CFAP47: variants seen among roughly 807,000 people sequenced by gnomAD.
CFAP47 encodes cilia and flagella associated protein 47.
CFAP47 carries 29 observed loss-of-function variants against 148.1 expected under a neutral mutation model. The ratio of observed to expected loss-of-function variants is 0.20; its 90% confidence interval spans 0.15 to 0.27. The LOEUF is 0.27. CFAP47 is among the 10% of genes least tolerant of loss of function. CFAP47 has a pLI of 1.00. For synonymous variants in CFAP47, 664 were observed against 577.3 expected (o/e 1.15, Z -2.15); for missense variants, 1,872 against 1,697.5 (o/e 1.10, Z -1.81).
At chrX:36,103,151 C>T (rs1208915459) in intron 32 of CFAP47, among the ~76,000 whole-genome samples, 1 of 110,601 alleles carries the variant, frequency 9.0e-6, no homozygotes, top group Admixed American at 9.7e-5. Flanking sequence ...TTTGATTCCC[C>T]TAAAAGCAGA....
chrX:36,025,654 C>A (rs1937208226), intron 22 of CFAP47, among the ~76,000 whole-genome samples: 1 of 111,472 alleles, frequency 9.0e-6, no homozygotes, highest in South Asian at 3.8e-4. Flanking sequence ...GTATATCTTT[C>A]TCTGTGATTA....
At chrX:36,029,963 A>G (rs1166759343) in intron 22 of CFAP47, among the ~76,000 whole-genome samples, 1 of 110,568 alleles carries the variant, frequency 9.0e-6, no homozygotes, top group East Asian at 2.8e-4. Context: ...TAATTATAAT[A>G]TGATTTCATT....
chrX:36,294,008 G>A (rs1300290020), intron 51 of CFAP47, among the ~76,000 whole-genome samples: 1 of 111,298 alleles, frequency 9.0e-6, no homozygotes, highest in African/African-American at 3.3e-5. Flanking sequence ...AATGAAATAA[G>A]GCTAAGCTTG....
intron 40 of CFAP47, 114 bp from the exon 41 acceptor site, chrX:36,188,506 A>G: frequency 3.4e-6 from 1 of 290,493 alleles, no homozygotes; most frequent in Non-Finnish European, 6.0e-6. Context: ...GTCTTTTCAT[A>G]TCATTTGTAC....
chrX:35,978,958 A>G (rs995620585), intron 15 of CFAP47, among the ~76,000 whole-genome samples: 8 of 111,382 alleles, frequency 7.2e-5, no homozygotes, highest in African/African-American at 2.6e-4. Context: ...AGGGGAGAAT[A>G]TAAGAGTGGA....
intron 57 of CFAP47, among the ~76,000 whole-genome samples, chrX:36,325,302 T>C (rs1178963829): frequency 9.0e-6 from 1 of 111,525 alleles, no homozygotes; most frequent in Admixed American, 9.6e-5. Flanking sequence ...AATATTCCTA[T>C]GTTAGAGATG....
At chrX:35,962,829 T>C (rs1422264078) in intron 8 of CFAP47, among the ~76,000 whole-genome samples, 1 of 110,333 alleles carries the variant, frequency 9.1e-6, no homozygotes, top group Non-Finnish European at 1.9e-5. Context: ...CTTAGGTTGA[T>C]TGCATATTTT....
intron 33 of CFAP47, among the ~76,000 whole-genome samples, chrX:36,119,376 A>G (rs139586493): frequency 1.9e-4 from 21 of 111,906 alleles, no homozygotes; most frequent in Non-Finnish European, 3.6e-4. Context: ...TGATTTGCAT[A>G]TGTTGAACCA....
intron 40 of CFAP47, among the ~76,000 whole-genome samples, chrX:36,186,690 C>T (rs782751958): frequency 3.6e-5 from 4 of 111,234 alleles, no homozygotes; most frequent in Non-Finnish European, 3.8e-5. Context: ...TACCCTTAAG[C>T]GAATCAATCC....
intron 32 of CFAP47, among the ~76,000 whole-genome samples, chrX:36,100,822 T>A (rs1341380153): frequency 8.9e-6 from 1 of 111,949 alleles, no homozygotes; most frequent in East Asian, 2.8e-4. Context: ...AAACTGAGTG[T>A]CACAGGCGCA....
At chrX:36,098,545 C>G (rs1451788085) in intron 30 of CFAP47, among the ~76,000 whole-genome samples, 1 of 111,525 alleles carries the variant, frequency 9.0e-6, no homozygotes, top group East Asian at 2.8e-4. Flanking sequence ...TTATATTGTA[C>G]TGTGGCTGAG....
At chrX:36,381,339 A>G (rs1942076202) in intron 63 of CFAP47, among the ~76,000 whole-genome samples, 1 of 112,174 alleles carries the variant, frequency 8.9e-6, no homozygotes. Flanking sequence ...TATAAATGGA[A>G]CCATTAAATC....
At chrX:36,228,077 C>A (rs1224634030) in intron 45 of CFAP47, among the ~76,000 whole-genome samples, 1 of 111,508 alleles carries the variant, frequency 9.0e-6, no homozygotes, top group Non-Finnish European at 1.9e-5. Flanking sequence ...AAAATTATTT[C>A]TATCTGCTGG....
At chrX:36,367,219 T>C in intron 62 of CFAP47, 92 bp downstream of exon 62, 1 of 656,872 alleles carries the variant, frequency 1.5e-6, no homozygotes, top group Non-Finnish European at 2.2e-6. Flanking sequence ...AGTTCATCTT[T>C]TGCTGGTTAA....
chrX:36,233,312 A>G (rs1366539899), intron 46 of CFAP47, among the ~76,000 whole-genome samples: 4 of 111,775 alleles, frequency 3.6e-5, no homozygotes, highest in African/African-American at 6.5e-5. Context: ...TATTGGGTGC[A>G]TATATATTTA....
intron 52 of CFAP47, among the ~76,000 whole-genome samples, chrX:36,299,679 C>A (rs1343077092): frequency 9.0e-6 from 1 of 111,394 alleles, no homozygotes; most frequent in Non-Finnish European, 1.9e-5. Flanking sequence ...CACCTCCCAG[C>A]GCCTGGTAAC....
chrX:36,322,235 G>A (rs1286174154), intron 57 of CFAP47, among the ~76,000 whole-genome samples: 1 of 110,721 alleles, frequency 9.0e-6, no homozygotes, highest in African/African-American at 3.3e-5. Flanking sequence ...AAACCCCATG[G>A]TTTTGTTTTC....
intron 44 of CFAP47, among the ~76,000 whole-genome samples, chrX:36,204,227 T>G (rs964931691): frequency 1.8e-5 from 2 of 111,853 alleles, no homozygotes; most frequent in Admixed American, 9.5e-5. Context: ...GGTGGTTTCT[T>G]TTGCTGTGCA....
In CFAP47 at chrX:36,317,603, A is replaced by G. The variant is rs1941446199; in HGVS notation, c.8345-1606A>G. Among the ~76,000 whole-genome samples the G allele has an allele frequency of 4.9e-5, 5 of 101,027 alleles. No individual in the cohort carries two copies. The South Asian group carries it at 2.3e-3, about 47-fold the overall frequency. The allele number at this position is 101,027 out of a possible 115,157, so 87.7% of individuals were successfully genotyped here. A position where few individuals can be genotyped will look rare whatever the true frequency, so the allele number is the denominator to read the frequency against. ...TTTTTTTTTTTTTTGTATTTTTAGT[A>G]GAGACGGGGTTTCACCGTGTTAGCC... On this transcript the variant is annotated intron_variant, in intron 56 of 63. Coordinates refer to ENST00000378653, the MANE Select transcript of CFAP47 (RefSeq NM_001304548.2).
Sources: allele counts gnomAD v4.1 joint callset (sites outside exome capture counted in the v4.1 genomes callset), GRCh38; gene constraint gnomAD v4.1.1; transcripts MANE v1.5; gene names NCBI Gene and HGNC (gene_info 2026-07-23, HGNC 2026-07-21).